PI4KA: variants seen among roughly 807,000 people sequenced by gnomAD.
PI4KA encodes phosphatidylinositol 4-kinase alpha.
A neutral mutation model predicts 271.4 loss-of-function variants in PI4KA; 122 were observed. The ratio of observed to expected loss-of-function variants is 0.45; its 90% CI spans 0.39 to 0.52. PI4KA has a LOEUF of 0.52. Ranked by LOEUF, PI4KA falls within the 20% of genes least tolerant of loss-of-function variation. The pLI, the probability that PI4KA is intolerant of heterozygous loss-of-function variation, is 0.00. For synonymous variants in PI4KA, 1,041 were observed against 1,078.8 expected (o/e 0.96, Z 0.69); for missense variants, 1,969 against 2,769.1 (o/e 0.71, Z 6.48).
At chr22:20,743,231 C>T (rs1012054008) in intron 30 of PI4KA, among the ~76,000 whole-genome samples, 4 of 151,688 alleles carry the variant, frequency 2.6e-5, no homozygotes, top group African/African-American at 7.3e-5. Context: ...GTGCAACCTC[C>T]GCCTCCTGGG....
rs1925753473 is a variant in PI4KA at position 20,714,706 on chromosome 22, C to G, written c.5318-6G>C. 7 of 1,613,298 alleles carry G rather than the reference C, an allele frequency of 4.3e-6. No homozygotes were observed. The highest frequency in any genetic ancestry group is 5.9e-6 in the Non-Finnish European group (7 of 1,179,566). The stretch of plus-strand genomic sequence containing the variant: ...GTTGCTGGGCAGGTAGCAGCCTGTG[C>G]AGGGACAGAGGCAGTCACAGGGAGT... On this transcript the variant is annotated splice_polypyrimidine_tract_variant and splice_region_variant and intron_variant, in intron 45 of 54. Coordinates refer to ENST00000255882, the MANE Select transcript of PI4KA (RefSeq NM_058004.4).
At chr22:20,804,148 T>C in intron 12 of PI4KA, 152 bp downstream of exon 12, 2 of 614,716 alleles carry the variant, frequency 3.3e-6, no homozygotes, top group Non-Finnish European at 5.9e-6. Context: ...AGTGATGAAC[T>C]GTGCACAGCA....
Position 20,726,468 on chromosome 22 carries a change from C to T in PI4KA, c.4995+20G>A, listed in dbSNP as rs1414599643. 6.5e-7 allele frequency: 1 copy of T among 1,544,020 alleles called. No homozygotes were observed. Among genetic ancestry groups the T allele is most frequent in the Admixed American group, 2.2e-5 (1 of 45,460 alleles). On this transcript the variant is annotated intron_variant, in intron 42 of 54. Transcript: ENST00000255882. Reference sequence around the variant, plus strand: ...CACACTCTGTGAGTGAAGAGGACGGCCATGCAGGTGCAGGCTTACCTTGTC... The same window carrying T: ...CACACTCTGTGAGTGAAGAGGACGGTCATGCAGGTGCAGGCTTACCTTGTC...
chr22:20,776,254 G>A (rs140916038), intron 19 of PI4KA, among the ~76,000 whole-genome samples: 1 of 152,100 alleles, frequency 6.6e-6, no homozygotes. Flanking sequence ...AGCCTGAGAG[G>A]AACAGGTGGC....
intron 6 of PI4KA, among the ~76,000 whole-genome samples, chr22:20,819,331 T>C (rs117483105): frequency 6.6e-6 from 1 of 151,982 alleles, no homozygotes; most frequent in Non-Finnish European, 1.5e-5. Context: ...ACAGTGTTTA[T>C]GGATAAGAGA....
At chr22:20,851,119 C>T (rs1364553078) in intron 1 of PI4KA, among the ~76,000 whole-genome samples, 2 of 151,822 alleles carry the variant, frequency 1.3e-5, no homozygotes, top group Admixed American at 6.6e-5. Context: ...CAGCACTTTG[C>T]GAGGCCGAAG....
chr22:20,770,973 C>T (rs1946618147), intron 19 of PI4KA, among the ~76,000 whole-genome samples: 2 of 152,010 alleles, frequency 1.3e-5, no homozygotes, highest in African/African-American at 2.4e-5. Flanking sequence ...TGAAGCCAGA[C>T]GTTCAAGACC....
intron 4 of PI4KA, among the ~76,000 whole-genome samples, chr22:20,822,329 G>C (rs1196942156): frequency 6.6e-6 from 1 of 152,130 alleles, no homozygotes; most frequent in Non-Finnish European, 1.5e-5. Context: ...TTACAGGCGT[G>C]AGCCACCATC....
chr22:20,847,388 A>C (rs1343149181), intron 1 of PI4KA, among the ~76,000 whole-genome samples: 1 of 152,172 alleles, frequency 6.6e-6, no homozygotes. Flanking sequence ...GGAGTTTGAG[A>C]CCAGTCTGGG....
At position 20,784,152 on chromosome 22, in the gene PI4KA, T is replaced by C. The variant is rs199499153; in HGVS notation, c.2328+9041A>G. 35 of 1,613,984 alleles carry C rather than the reference T, an allele frequency of 2.2e-5. No individual in the cohort carries two copies. Among genetic ancestry groups the C allele is most frequent in the Non-Finnish European group, 2.6e-5 (31 of 1,180,026 alleles). On this transcript the variant is annotated intron_variant, in intron 19 of 54. Transcript: ENST00000255882. The stretch of plus-strand genomic sequence containing the variant: ...TACGTGGGGGGCATCAGCATGCTAA[T>C]TGTGGTCCCACACAAGATGTCTGGG...
At chr22:20,765,074 G>A in intron 21 of PI4KA, 26 bp downstream of exon 21, 1 of 1,602,140 alleles carries the variant, frequency 6.2e-7, no homozygotes, top group Non-Finnish European at 8.5e-7. Flanking sequence ...CAGAGAGCAT[G>A]GTAAAAATGA....
intron 1 of PI4KA, among the ~76,000 whole-genome samples, chr22:20,854,671 T>C (rs1315442946): frequency 6.6e-6 from 1 of 152,054 alleles, no homozygotes; most frequent in African/African-American, 2.4e-5. Flanking sequence ...AGGTCAACCC[T>C]ATCTAGATCA....
chr22:20,847,828 T>A (rs1476935248), intron 1 of PI4KA, among the ~76,000 whole-genome samples: 1 of 150,484 alleles, frequency 6.6e-6, no homozygotes, highest in African/African-American at 2.4e-5. Flanking sequence ...TACTTATGAA[T>A]AAAAACAAAA....
chr22:20,749,076 C>T (rs753419567), intron 28 of PI4KA, among the ~76,000 whole-genome samples: 6 of 152,188 alleles, frequency 3.9e-5, no homozygotes, highest in Non-Finnish European at 8.8e-5. Context: ...GAGGGGGCCT[C>T]CCCTCTTCAG....
At chr22:20,708,390 G>A (rs1431279713) in intron 54 of PI4KA, among the ~76,000 whole-genome samples, 2 of 151,632 alleles carry the variant, frequency 1.3e-5, no homozygotes, top group Non-Finnish European at 2.9e-5. Flanking sequence ...TGCCTCCAAG[G>A]GGTCTGTACG....
intron 6 of PI4KA, among the ~76,000 whole-genome samples, 171 bp from the exon 7 acceptor site, chr22:20,818,720 A>C (rs1013259690): frequency 2.0e-5 from 3 of 152,212 alleles, no homozygotes; most frequent in Admixed American, 1.3e-4. Flanking sequence ...ACTACATGCT[A>C]TATCACTAAA....
At chr22:20,805,283 T>TA (rs1935587079) in intron 10 of PI4KA, 118 bp from the exon 11 acceptor site, 2 of 691,276 alleles carry the variant, frequency 2.9e-6, no homozygotes, top group African/African-American at 1.8e-5. Flanking sequence ...TAGCATTTGC[T>TA]ACTGGCCACT....
At chr22:20,780,533 C>A (rs1190763547) in intron 19 of PI4KA, among the ~76,000 whole-genome samples, 1 of 152,004 alleles carries the variant, frequency 6.6e-6, no homozygotes, top group Admixed American at 6.6e-5. Flanking sequence ...TTTGGGAGGC[C>A]GAGGCAGGCA....
At chr22:20,793,100 C>T (rs1934753041) in intron 19 of PI4KA, 93 bp downstream of exon 19, 3 of 825,524 alleles carry the variant, frequency 3.6e-6, no homozygotes, top group Non-Finnish European at 6.4e-6. Context: ...CAACACTGCA[C>T]CTTTCTAAGG....
Sources: allele counts gnomAD v4.1 joint callset (sites outside exome capture counted in the v4.1 genomes callset), GRCh38; gene constraint gnomAD v4.1.1; transcripts MANE v1.5; gene names NCBI Gene and HGNC (gene_info 2026-07-23, HGNC 2026-07-21).